Variants in PCDH9 observed in about 807,000 individuals in gnomAD.
PCDH9 encodes the protein protocadherin 9.
In PCDH9, 24 loss-of-function variants were observed where a neutral mutation model predicts 70.6. The observed-to-expected ratio is 0.34, with a 90% confidence interval of 0.25 to 0.48. The LOEUF is 0.48. Ranked by LOEUF, PCDH9 falls within the 20% of genes least tolerant of loss-of-function variation. PCDH9 has a pLI of 0.99. For synonymous variants in PCDH9, 562 were observed against 558.5 expected, an observed-to-expected ratio of 1.01 and a Z score of -0.09; for missense variants, 1,281 against 1,503.6, an observed-to-expected ratio of 0.85 and a Z score of 2.45.
intron 2 of PCDH9, among the ~76,000 whole-genome samples, chr13:67,172,420 T>C (rs1477116363): frequency 6.6e-6 from 1 of 152,192 alleles, no homozygotes; most frequent in African/African-American, 2.4e-5. Flanking sequence ...AGTTAAAGTA[T>C]ATAATTATAA....
intron 3 of PCDH9, among the ~76,000 whole-genome samples, chr13:66,844,193 C>T (rs2081165122): frequency 6.6e-6 from 1 of 151,914 alleles, no homozygotes; most frequent in Admixed American, 6.6e-5. Context: ...TCTTCATATT[C>T]AACACCATAA....
intron 4 of PCDH9, among the ~76,000 whole-genome samples, chr13:66,568,215 A>G (rs1410998960): frequency 6.6e-6 from 1 of 152,146 alleles, no homozygotes; most frequent in African/African-American, 2.4e-5. Flanking sequence ...CACAGCAAGA[A>G]CACAGCCATG....
intron 4 of PCDH9, among the ~76,000 whole-genome samples, chr13:66,391,075 T>G (rs1957008739): frequency 6.6e-6 from 1 of 152,224 alleles, no homozygotes; most frequent in African/African-American, 2.4e-5. Flanking sequence ...GAAAACAGCA[T>G]GTAATATACT....
At chr13:67,120,150 G>A (rs1381850981) in intron 2 of PCDH9, among the ~76,000 whole-genome samples, 2 of 149,512 alleles carry the variant, frequency 1.3e-5, no homozygotes, top group Admixed American at 6.7e-5. Flanking sequence ...TTAAAAGCAA[G>A]CCTTTTAAAT....
At chr13:66,333,721 C>T (rs1253428177) in intron 4 of PCDH9, among the ~76,000 whole-genome samples, 2 of 152,060 alleles carry the variant, frequency 1.3e-5, no homozygotes, top group African/African-American at 4.8e-5. Flanking sequence ...TTTGTTTAAG[C>T]ATGTTTGCTT....
Position 66,847,871 on chromosome 13 carries a change from G to A in PCDH9, c.3138+55633C>T, listed in dbSNP as rs147204287. On this transcript the variant is annotated intron_variant, in intron 3 of 4. Coordinates refer to ENST00000377865, the MANE Select transcript of PCDH9 (RefSeq NM_203487.3). ...CATCACGCTACTCAGAGGCGGCAAC[G>A]TAAAAGTTATTGTTTATTTCCAAAA... Among the ~76,000 whole-genome samples, 10 of 152,242 alleles carry A rather than the reference G, an allele frequency of 6.6e-5. No homozygotes were observed. The East Asian group carries it at 1.7e-3, about 26-fold the overall frequency.
At chr13:67,142,974 A>C (rs2087433140) in intron 2 of PCDH9, among the ~76,000 whole-genome samples, 2 of 152,066 alleles carry the variant, frequency 1.3e-5, no homozygotes, top group Non-Finnish European at 2.9e-5. Flanking sequence ...GCACCACTGC[A>C]CTCCAGCCTG....
intron 3 of PCDH9, among the ~76,000 whole-genome samples, chr13:66,847,799 A>T (rs1246585147): frequency 2.0e-5 from 3 of 152,216 alleles, no homozygotes; most frequent in Admixed American, 2.0e-4. Flanking sequence ...GCCCAGAGAC[A>T]GAAGATGCAC....
At chr13:67,168,567 A>AT (rs1388315373) in intron 2 of PCDH9, among the ~76,000 whole-genome samples, 1 of 146,706 alleles carries the variant, frequency 6.8e-6, no homozygotes, top group African/African-American at 2.5e-5. Flanking sequence ...TTTCTACAAA[A>AT]TGTTAAAAAA....
chr13:66,827,204 A>T (rs1305901759), intron 3 of PCDH9, among the ~76,000 whole-genome samples: 3 of 152,062 alleles, frequency 2.0e-5, no homozygotes, highest in African/African-American at 7.2e-5. Context: ...AACCCCCAGC[A>T]GGGCCAAGCC....
At chr13:66,565,047 TA>T (rs2076633665) in intron 4 of PCDH9, among the ~76,000 whole-genome samples, 4 of 152,194 alleles carry the variant, frequency 2.6e-5, no homozygotes, top group African/African-American at 9.7e-5. Flanking sequence ...CATATTCTTT[TA>T]ACTGTTTCAG....
chr13:66,377,483 A>T (rs930594653), intron 4 of PCDH9, among the ~76,000 whole-genome samples: 9 of 151,996 alleles, frequency 5.9e-5, no homozygotes, highest in Non-Finnish European at 1.3e-4. Flanking sequence ...CTCTAGAAAT[A>T]TTTTCATTCT....
chr13:67,196,281 G>A (rs1201145250), intron 2 of PCDH9, among the ~76,000 whole-genome samples: 1 of 152,002 alleles, frequency 6.6e-6, no homozygotes, highest in Non-Finnish European at 1.5e-5. Flanking sequence ...TGAATTAGCC[G>A]AAAACTAAAG....
intron 2 of PCDH9, among the ~76,000 whole-genome samples, chr13:66,926,145 G>A (rs1030839515): frequency 1.3e-5 from 2 of 151,622 alleles, no homozygotes; most frequent in Admixed American, 1.3e-4. Context: ...CTACTATATA[G>A]TGCCTGGAAA....
intron 4 of PCDH9, among the ~76,000 whole-genome samples, chr13:66,358,992 G>A (rs1376771087): frequency 3.3e-5 from 5 of 151,812 alleles, no homozygotes; most frequent in South Asian, 2.1e-4. Context: ...GGCAAAAGTC[G>A]CTCATTAATG....
At chr13:66,901,455 G>A (rs1310259638) in intron 3 of PCDH9, among the ~76,000 whole-genome samples, 1 of 151,680 alleles carries the variant, frequency 6.6e-6, no homozygotes, top group Non-Finnish European at 1.5e-5. Flanking sequence ...GGACCTTCCA[G>A]ACAACCTAGT....
In PCDH9 at chr13:66,303,663, C is replaced by A. The variant is rs943412404; in HGVS notation, c.*992G>T. The A allele has an allele frequency of 7.2e-5, 11 of 152,420 alleles. No homozygotes were observed. Among genetic ancestry groups the A allele is most frequent in the African/African-American group, 2.4e-4 (10 of 41,420 alleles). The allele number at this position is 152,420 out of a possible 1,614,324, so 9.4% of individuals were successfully genotyped here. The stretch of plus-strand genomic sequence containing the variant: ...TGATACATTAGTTTTACATGAGTGA[C>A]AAGTACAGGATATTATATCACTTTT... On this transcript the variant is annotated 3_prime_UTR_variant, in exon 5 of 5. Transcript: ENST00000377865.
chr13:66,744,834 T>A (rs865830391), intron 3 of PCDH9, among the ~76,000 whole-genome samples: 1 of 152,178 alleles, frequency 6.6e-6, no homozygotes, highest in Non-Finnish European at 1.5e-5. Context: ...AAATATATAT[T>A]AGTTCTGGCA....
chr13:66,996,089 G>A (rs1387440716), intron 2 of PCDH9: 1 of 152,106 alleles, frequency 6.6e-6, no homozygotes, highest in Non-Finnish European at 1.5e-5. Flanking sequence ...ATACAGTAAA[G>A]GAAAATGTTC....
Sources: gnomAD v4.1 joint callset for allele counts (sites outside exome capture counted in the v4.1 genomes callset) on GRCh38, gnomAD v4.1.1 for gene constraint, MANE v1.5 for transcripts, NCBI Gene and HGNC (gene_info 2026-07-23, HGNC 2026-07-21) for gene names.